PCDHA3: variants seen among roughly 807,000 people sequenced by gnomAD.
PCDHA3 encodes the protein protocadherin alpha 3.
A neutral mutation model predicts 62.2 loss-of-function variants in PCDHA3; 41 were observed. The observed-to-expected ratio is 0.66, with a 90% confidence interval of 0.51 to 0.86. The LOEUF (loss-of-function observed/expected upper bound fraction) is 0.86, where lower values mean the gene tolerates loss of function less well. Ranked by LOEUF, PCDHA3 falls within the 40% of genes least tolerant of loss-of-function variation. The pLI, the probability that PCDHA3 is intolerant of heterozygous loss-of-function variation, is 0.00. For synonymous variants in PCDHA3, 640 were observed against 555.4 expected (o/e 1.15, Z -2.14); for missense variants, 1,304 against 1,241.2 (o/e 1.05, Z -0.76).
chr5:140,924,900 A>AT lies in PCDHA3; in HGVS notation c.2395-54049_2395-54048insT, dbSNP rs1563068012. 8.8e-4 allele frequency among the ~76,000 whole-genome samples: 56 copies of AT among 63,318 alleles called. 1 individual carries two copies. The highest frequency in any genetic ancestry group is 8.1e-3 in the Middle Eastern group (1 of 124). 41.5% of individuals were successfully genotyped at this position (63,318 alleles called of 152,430 possible). On this transcript the variant is annotated intron_variant, in intron 1 of 3. Coordinates refer to ENST00000522353, the MANE Select transcript of PCDHA3 (RefSeq NM_018906.3). ...ACAGAGCAAGAACCTGTCTCAAAAA[A>AT]AAAAATAAAATAAAATAAAATAAAA...
intron 1 of PCDHA3, chr5:140,835,273 C>T: frequency 6.2e-7 from 1 of 1,610,738 alleles, no homozygotes; most frequent in South Asian, 1.1e-5. Flanking sequence ...CACATGGACC[C>T]CTTAAGTGGG....
intron 1 of PCDHA3, chr5:140,877,431 C>A: frequency 1.2e-6 from 2 of 1,613,836 alleles, no homozygotes; most frequent in Non-Finnish European, 1.7e-6. Flanking sequence ...TGGTGAAGGA[C>A]CACGGTGAGC....
At chr5:140,922,866 G>GA (rs557650266) in intron 1 of PCDHA3, among the ~76,000 whole-genome samples, 1 of 152,096 alleles carries the variant, frequency 6.6e-6, no homozygotes. Flanking sequence ...TAGACAAGGG[G>GA]AAAAAATCCA....
At chr5:140,869,347 G>C (rs782437200) in intron 1 of PCDHA3, 1 of 1,614,082 alleles carries the variant, frequency 6.2e-7, no homozygotes, top group Non-Finnish European at 8.5e-7. Context: ...TCTGCAGAAT[G>C]GCATTTTGTT....
intron 1 of PCDHA3, among the ~76,000 whole-genome samples, chr5:140,920,731 C>G (rs2079790420): frequency 6.6e-6 from 1 of 151,924 alleles, no homozygotes; most frequent in African/African-American, 2.4e-5. Flanking sequence ...GCAGTCCCAG[C>G]TACTCAGGAG....
intron 1 of PCDHA3, among the ~76,000 whole-genome samples, chr5:140,844,102 T>C (rs1273394917): frequency 6.7e-6 from 1 of 149,766 alleles, no homozygotes; most frequent in Non-Finnish European, 1.5e-5. Context: ...TCTTACTCCA[T>C]ATGCTGTACT....
intron 1 of PCDHA3, among the ~76,000 whole-genome samples, chr5:140,954,291 T>C (rs1309677058): frequency 6.6e-6 from 1 of 152,230 alleles, no homozygotes; most frequent in African/African-American, 2.4e-5. Context: ...TTCCTTTGGG[T>C]ACATACCCAG....
chr5:140,823,823 C>T lies in PCDHA3; in HGVS notation c.2394+20232C>T, dbSNP rs2150129427. 5.6e-6 allele frequency: 9 copies of T among 1,613,816 alleles called. No homozygotes were observed. In the Admixed American group the frequency reaches 1.3e-4, roughly 24 times the overall value. On this transcript the variant is annotated intron_variant, in intron 1 of 3. Coordinates refer to ENST00000522353, the MANE Select transcript of PCDHA3 (RefSeq NM_018906.3). ...CCGAAGGCCTCATCGCGGGCGTCGG[C>T]GGGCGCTGTGGGTCCCGAGGCTGCC... is the stretch of plus-strand genomic sequence containing the variant.
rs782466455 is a variant in PCDHA3, at chr5:140,801,849, G to A, written c.652G>A (p.Gly218Arg). ...HYLLITAIDGGKPELTGTTQL... is the reference protein window; with the variant it reads ...HYLLITAIDGRKPELTGTTQL... ...TTTACTAATAACAGCAATTGATGGTGGGAAACCAGAGCTCACTGGCACGAC... is the reference window on the plus strand; with the variant it reads ...TTTACTAATAACAGCAATTGATGGTAGGAAACCAGAGCTCACTGGCACGAC... Residue 218 changes from glycine to arginine, a missense_variant, in exon 1 of 4, where the codon GGG (glycine) becomes AGG (arginine). Transcript: ENST00000522353. 2.5e-6 allele frequency: 4 copies of A among 1,614,054 alleles called. No homozygotes were observed. Among genetic ancestry groups the A allele is most frequent in the Middle Eastern group, 1.6e-4 (1 of 6,062 alleles).
At chr5:140,915,626 GTCTCTCTCTC>G (rs57920489) in intron 1 of PCDHA3, among the ~76,000 whole-genome samples, 5 of 146,436 alleles carry the variant, frequency 3.4e-5, no homozygotes, top group Admixed American at 2.0e-4. Context: ...GTCTCTTTCT[GTCTCTCTCTC>G]TCTCTCTCTC....
At chr5:140,823,478 GA>G in intron 1 of PCDHA3, 2 of 1,613,472 alleles carry the variant, frequency 1.2e-6, no homozygotes, top group East Asian at 4.5e-5. Context: ...CTGGTGCCTC[GA>G]GTGGGTGGCA....
In PCDHA3 at chr5:140,858,604, A is replaced by T. The variant is rs547814145; in HGVS notation, c.2394+55013A>T. 1.3e-3 allele frequency: 1,648 copies of T among 1,276,538 alleles called. 106 individuals carry two copies. The South Asian group carries it at 0.023, about 18-fold the overall frequency. 79.1% of individuals were successfully genotyped at this position (1,276,538 alleles called of 1,614,324 possible). ...TATAATTTATTCCAGGAGTTTTAAA[A>T]TTTTTTTATCCTACCCAGTGTGTCA... On this transcript the variant is annotated intron_variant, in intron 1 of 3. Transcript: ENST00000522353.
In PCDHA3 at chr5:140,848,706, C is replaced by T. The variant is rs2150418265; in HGVS notation, c.2394+45115C>T. On this transcript the variant is annotated intron_variant, in intron 1 of 3. Coordinates refer to ENST00000522353, the MANE Select transcript of PCDHA3 (RefSeq NM_018906.3). ...CCTGTTCCAGTTGGATTCCAAAGGC[C>T]GCGGGGACCTTCTGGAGGTAAATCT... 43 of 1,592,328 alleles carry T rather than the reference C, an allele frequency of 2.7e-5. 5 individuals are homozygous for T. In the South Asian group the frequency reaches 4.1e-4, roughly 15 times the overall value.
intron 1 of PCDHA3, chr5:140,816,532 T>TGG (rs1399685020): frequency 3.3e-5 from 5 of 151,642 alleles, no homozygotes; most frequent in South Asian, 2.1e-4. Flanking sequence ...TGTGTGTGTG[T>TGG]GGGCACGCAC....
intron 1 of PCDHA3, among the ~76,000 whole-genome samples, chr5:140,962,596 T>C (rs2095694957): frequency 6.6e-6 from 1 of 152,218 alleles, no homozygotes; most frequent in South Asian, 2.1e-4. Flanking sequence ...TTGACTGATA[T>C]ATTTCTTCTG....
At chr5:140,928,201 G>C in intron 1 of PCDHA3, 1 of 1,614,242 alleles carries the variant, frequency 6.2e-7, no homozygotes, top group Non-Finnish European at 8.5e-7. Context: ...GTCAGTTGCT[G>C]ATGTGAATGA....
intron 1 of PCDHA3, among the ~76,000 whole-genome samples, chr5:140,915,224 G>C (rs2077030896): frequency 6.6e-6 from 1 of 152,144 alleles, no homozygotes; most frequent in African/African-American, 2.4e-5. Context: ...TGGGATTACA[G>C]GCATGAGCCA....
At position 140,842,829 on chromosome 5, in the gene PCDHA3, C is replaced by T. The variant is rs2150345601; in HGVS notation, c.2394+39238C>T. On this transcript the variant is annotated intron_variant, in intron 1 of 3. Transcript: ENST00000522353. Reference sequence around the variant, plus strand: ...GTGGAGCGGCGGGTGGGCGAGCGCTCGCTGTCGAGCTACATTTCGGTGCAC... The same window carrying T: ...GTGGAGCGGCGGGTGGGCGAGCGCTTGCTGTCGAGCTACATTTCGGTGCAC... 6.9e-5 allele frequency: 110 copies of T among 1,593,636 alleles called. 11 individuals carry two copies. The highest frequency in any genetic ancestry group is 9.4e-5 in the Non-Finnish European group (109 of 1,165,332).
chr5:140,841,857 T>G (rs182904804), intron 1 of PCDHA3: 1 of 1,613,742 alleles, frequency 6.2e-7, no homozygotes, highest in Non-Finnish European at 8.5e-7. Context: ...GATTACTTCA[T>G]GCTAGATGTG....
Sources: gnomAD v4.1 joint callset for allele counts (sites outside exome capture counted in the v4.1 genomes callset) on GRCh38, gnomAD v4.1.1 for gene constraint, MANE v1.5 for transcripts, NCBI Gene and HGNC (gene_info 2026-07-23, HGNC 2026-07-21) for gene names.